DTNB: variants seen among roughly 807,000 people sequenced by gnomAD.
The protein encoded by DTNB is dystrobrevin beta.
DTNB carries 63 observed loss-of-function variants against 90.7 expected under a neutral mutation model. The observed-to-expected ratio is 0.69, with a 90% CI of 0.57 to 0.86. The LOEUF (loss-of-function observed/expected upper bound fraction) is 0.86, where lower values mean the gene tolerates loss of function less well. Among genes scored for constraint, DTNB ranks in the 40% least tolerant of loss-of-function variants. DTNB has a pLI of 0.00. For missense variants in DTNB, 744 were observed against 807.1 expected, an observed-to-expected ratio of 0.92 and a Z score of 0.95; for synonymous variants, 277 against 286.7, an observed-to-expected ratio of 0.97 and a Z score of 0.34.
chr2:25,653,478 GCTTTCTTT>G (rs1201675268), intron 1 of DTNB, among the ~76,000 whole-genome samples: 4,572 of 116,396 alleles, frequency 0.039, 218 homozygotes, highest in East Asian at 0.08. Flanking sequence ...TTCAGAGCTT[GCTTTCTTT>G]CTTTCTTTCT....
At chr2:25,637,775 T>C (rs2077414216) in intron 3 of DTNB, among the ~76,000 whole-genome samples, 1 of 152,148 alleles carries the variant, frequency 6.6e-6, no homozygotes, top group African/African-American at 2.4e-5. Flanking sequence ...TGTAAACTAG[T>C]TCAACCATTG....
chr2:25,547,861 G>C (rs551216484), intron 8 of DTNB, among the ~76,000 whole-genome samples: 3 of 152,216 alleles, frequency 2.0e-5, no homozygotes, highest in African/African-American at 7.2e-5. Flanking sequence ...GACTATTAAA[G>C]ATTTTCTACT....
intron 10 of DTNB, among the ~76,000 whole-genome samples, chr2:25,463,059 C>G (rs912198593): frequency 1.3e-5 from 2 of 152,180 alleles, no homozygotes; most frequent in Admixed American, 6.5e-5. Context: ...TTTTACATTT[C>G]CAGCCCTGAC....
chr2:25,387,651 G>C lies in DTNB; in HGVS notation c.1736-273C>G, dbSNP rs1214396480. ...CCACACAATCCAGAGCTGGGTTCCA[G>C]AATAAGCATTCCACCGAGGTCTTCC... On this transcript the variant is annotated intron_variant, in intron 17 of 20. Coordinates refer to ENST00000406818, the MANE Select transcript of DTNB (RefSeq NM_021907.5). The surrounding 1 kb of genome is among the most constrained non-coding windows in gnomAD (Gnocchi z 4.5). Among the ~76,000 whole-genome samples the C allele has an allele frequency of 6.6e-6, 1 of 152,136 alleles. No homozygotes were observed. Among genetic ancestry groups the C allele is most frequent in the Non-Finnish European group, 1.5e-5 (1 of 68,012 alleles).
chr2:25,453,265 C>G (rs1224853542), intron 11 of DTNB, among the ~76,000 whole-genome samples: 1 of 152,200 alleles, frequency 6.6e-6, no homozygotes, highest in East Asian at 1.9e-4. Context: ...GGATGACAGA[C>G]TGCTTTAATT....
chr2:25,463,060 C>T (rs2061258711), intron 10 of DTNB, among the ~76,000 whole-genome samples: 1 of 152,170 alleles, frequency 6.6e-6, no homozygotes, highest in African/African-American at 2.4e-5. Flanking sequence ...TTTACATTTC[C>T]AGCCCTGACC....
chr2:25,526,397 T>TATATA (rs2077192595), intron 9 of DTNB, among the ~76,000 whole-genome samples: 9 of 68,756 alleles, frequency 1.3e-4, no homozygotes, highest in Admixed American at 2.6e-4. Context: ...ATATATATAT[T>TATATA]TTTTTTTTTT....
chr2:25,380,733 G>A (rs941123146), intron 19 of DTNB, among the ~76,000 whole-genome samples: 1 of 152,150 alleles, frequency 6.6e-6, no homozygotes, highest in African/African-American at 2.4e-5. Context: ...GAACAGGGCA[G>A]TGCACGTGCA....
chr2:25,473,984 A>G (rs532619041), intron 10 of DTNB, among the ~76,000 whole-genome samples: 1 of 152,344 alleles, frequency 6.6e-6, no homozygotes, highest in Admixed American at 6.5e-5. Context: ...CTCAAGCCTC[A>G]GTCCAACGCG....
chr2:25,403,760 G>C (rs2044342243), intron 16 of DTNB, among the ~76,000 whole-genome samples: 1 of 152,226 alleles, frequency 6.6e-6, no homozygotes, highest in Non-Finnish European at 1.5e-5. Context: ...ATGTAACATA[G>C]TGGTTAGAGT....
chr2:25,625,897 C>T (rs1457675303), intron 4 of DTNB, among the ~76,000 whole-genome samples: 8 of 152,076 alleles, frequency 5.3e-5, no homozygotes, highest in Non-Finnish European at 8.8e-5. Flanking sequence ...TCCTCATGAA[C>T]GGGATTAGTG....
Position 25,388,261 on chromosome 2 carries a change from T to G in DTNB, c.1676A>C (p.His559Pro). The change falls in exon 17 of 21, where the codon CAC becomes CCC. Residue 559 changes from histidine (H) to proline (P), a missense_variant. Transcript: ENST00000406818. ...TCCGCTCAGCGAGTCCTGCGGACAGTGGGTGGGGGTGGAGCCGGCAGACGT... is the reference window on the plus strand; with the variant it reads ...TCCGCTCAGCGAGTCCTGCGGACAGGGGGTGGGGGTGGAGCCGGCAGACGT... ...RSTSAGSTPT[H>P]CPQDSLSGVG... 8.7e-6 allele frequency: 14 copies of G among 1,608,684 alleles called. No homozygotes were observed. The highest frequency in any genetic ancestry group is 1.2e-5 in the Non-Finnish European group (14 of 1,178,014).
At chr2:25,604,145 A>G (rs1304765733) in intron 5 of DTNB, among the ~76,000 whole-genome samples, 5 of 152,278 alleles carry the variant, frequency 3.3e-5, no homozygotes, top group South Asian at 4.1e-4. Flanking sequence ...ACATAACATC[A>G]TATTTGCCAG....
chr2:25,454,866 C>A (rs780979766), intron 11 of DTNB, among the ~76,000 whole-genome samples: 63 of 151,870 alleles, frequency 4.1e-4, no homozygotes, highest in Non-Finnish European at 8.8e-4. Flanking sequence ...GGAAAAAGAC[C>A]CTCAGGTGAC....
intron 4 of DTNB, among the ~76,000 whole-genome samples, chr2:25,627,543 C>A (rs2074497870): frequency 6.6e-6 from 1 of 151,874 alleles, no homozygotes; most frequent in African/African-American, 2.4e-5. Context: ...AATAGAAAGC[C>A]CCATAATCAA....
chr2:25,513,240 A>C (rs1341424085), intron 9 of DTNB, among the ~76,000 whole-genome samples: 1 of 152,228 alleles, frequency 6.6e-6, no homozygotes, highest in Admixed American at 6.5e-5. Context: ...CTGAGGCTCA[A>C]TGTCTGCATG....
At chr2:25,644,075 G>A (rs980552684) in intron 2 of DTNB, among the ~76,000 whole-genome samples, 4 of 152,168 alleles carry the variant, frequency 2.6e-5, no homozygotes, top group South Asian at 2.1e-4. Context: ...CTAAAAAGGG[G>A]AGGCATGAAT....
At chr2:25,616,848 C>T (rs971749087) in intron 4 of DTNB, among the ~76,000 whole-genome samples, 1 of 138,658 alleles carries the variant, frequency 7.2e-6, no homozygotes, top group Non-Finnish European at 1.5e-5. Flanking sequence ...AGGAGAATGG[C>T]GTGAACCCAG....
At chr2:25,407,331 A>T (rs1380095087) in intron 16 of DTNB, among the ~76,000 whole-genome samples, 1 of 152,222 alleles carries the variant, frequency 6.6e-6, no homozygotes, top group Non-Finnish European at 1.5e-5. Flanking sequence ...TGGGAAAGTA[A>T]ATTAGTACAA....
Sources: allele counts gnomAD v4.1 joint callset (sites outside exome capture counted in the v4.1 genomes callset), GRCh38; gene constraint gnomAD v4.1.1; non-coding constraint Gnocchi (gnomAD v3.1); transcripts MANE v1.5; gene names NCBI Gene and HGNC (gene_info 2026-07-23, HGNC 2026-07-21).